DNAH5: variants seen among roughly 807,000 people sequenced by gnomAD.
DNAH5 encodes the protein axonemal beta dynein heavy chain 5.
In DNAH5, 372 loss-of-function variants were observed where a neutral mutation model predicts 518.2. The ratio of observed to expected loss-of-function variants is 0.72; its 90% confidence interval spans 0.66 to 0.78. The LOEUF (loss-of-function observed/expected upper bound fraction) is 0.78. DNAH5 is among the 30% of genes least tolerant of loss of function. The probability of loss-of-function intolerance (pLI) is 0.00; values close to 1 mark genes in which losing one functional copy is unlikely to be tolerated. For synonymous variants in DNAH5, 2,039 were observed against 2,025.9 expected (o/e 1.01, Z -0.17); for missense variants, 5,523 against 5,687.0 (o/e 0.97, Z 0.93).
Position 13,811,710 on chromosome 5 carries a change from C to G in DNAH5, c.7344G>C (p.Glu2448Asp). 5 of 1,614,168 alleles carry G rather than the reference C, an allele frequency of 3.1e-6. No individual in the cohort carries two copies. Among genetic ancestry groups the G allele is most frequent in the South Asian group, 2.2e-5 (2 of 91,074 alleles). The change falls in exon 44 of 79, where the codon GAG becomes GAC. Residue 2448 changes from glutamate (E) to aspartate (D), a missense_variant. Physicochemically the swap from Glu to Asp is conservative, Grantham distance 45. Around this residue, in one of 3 missense-constraint regions of DNAH5, gnomAD observed 5,121 missense variants for 5,223.3 expected, o/e 0.98. Coordinates refer to ENST00000265104, the MANE Select transcript of DNAH5 (RefSeq NM_001369.3). ...FCIQNLEYKM[E>D]VLEAFVITQS... ...GTGTGATGACAAAGGCCTCCAGCAC[C>G]TCCATCTTGTATTCTAAGTTCTGGA...
Position 13,793,595 on chromosome 5 carries a change from T to C in DNAH5, c.8144A>G (p.Asp2715Gly). 6.2e-7 allele frequency: 1 copy of C among 1,614,176 alleles called. No individual in the cohort carries two copies. Among genetic ancestry groups the C allele is most frequent in the Non-Finnish European group, 8.5e-7 (1 of 1,180,028 alleles). The change falls in exon 49 of 79, where the codon GAC becomes GGC. Residue 2715 changes from aspartate to glycine, a missense_variant. By Grantham distance (94) the Asp-to-Gly change is moderately conservative. Around this residue, in one of 3 missense-constraint regions of DNAH5, gnomAD observed 5,121 missense variants for 5,223.3 expected, o/e 0.98. Transcript: ENST00000265104. ...AMIHPGGGRN[D>G]IPQRLKRQFS... ...CTGCCTCTTGAGTCTTTGGGGTATG[T>C]CATTGCGTCCACCACCAGGATGGAT...
intron 76 of DNAH5, among the ~76,000 whole-genome samples, chr5:13,703,396 A>G (rs1742384558): frequency 9.1e-6 from 1 of 110,018 alleles, no homozygotes; most frequent in African/African-American, 3.2e-5. Context: ...CAACTAGTGT[A>G]CCCCAAGTTA....
intron 30 of DNAH5, among the ~76,000 whole-genome samples, chr5:13,851,293 A>G (rs1766801415): frequency 6.6e-6 from 1 of 152,144 alleles, no homozygotes; most frequent in Non-Finnish European, 1.5e-5. Context: ...TTATCTTGAG[A>G]GGGCAGGAAT....
At chr5:13,749,485 C>T (rs878936479) in intron 65 of DNAH5, among the ~76,000 whole-genome samples, 1 of 152,186 alleles carries the variant, frequency 6.6e-6, no homozygotes, top group Admixed American at 6.5e-5. Flanking sequence ...ACCTCTGCTA[C>T]AGGAATTAAG....
chr5:13,951,499 C>T (rs1449530437), intron 1 of DNAH5, among the ~76,000 whole-genome samples: 7 of 152,080 alleles, frequency 4.6e-5, no homozygotes, highest in Non-Finnish European at 1.0e-4. Flanking sequence ...TGATTACAGG[C>T]GTGAGCCACC....
intron 1 of DNAH5, among the ~76,000 whole-genome samples, chr5:13,984,075 A>T (rs1782865292): frequency 6.6e-6 from 1 of 152,132 alleles, no homozygotes; most frequent in Admixed American, 6.5e-5. Flanking sequence ...GGGGCTCTTA[A>T]ATGTGGAAGA....
chr5:13,938,986 T>A (rs1165425845), intron 1 of DNAH5, among the ~76,000 whole-genome samples: 2 of 152,214 alleles, frequency 1.3e-5, no homozygotes, highest in Non-Finnish European at 2.9e-5. Context: ...TTCTTTTCTT[T>A]CTTTAAAGAC....
rs61692591 is a variant in DNAH5 at position 13,970,305 on chromosome 5, A to G, written c.13-39061T>C. ...GCATTTACATTAGTATTGAGAAGTG[A>G]GGTACTACTATTCTATTCATCTTGC... On this transcript the variant is annotated intron_variant, in intron 1 of 78. Transcript: ENST00000681290. Among the ~76,000 whole-genome samples the G allele has an allele frequency of 1.9e-3, 289 of 152,224 alleles. 1 individual carries two copies. The highest frequency in any genetic ancestry group is 6.6e-3 in the African/African-American group (276 of 41,534).
chr5:13,859,651 C>T (rs1384670917), intron 29 of DNAH5, 46 bp from the exon 30 acceptor site: 5 of 1,576,792 alleles, frequency 3.2e-6, no homozygotes, highest in South Asian at 1.1e-5. Flanking sequence ...TTTTGTTGTG[C>T]TGTTGTTTCA....
At chr5:13,855,589 T>A (rs757314821) in intron 30 of DNAH5, among the ~76,000 whole-genome samples, 1 of 152,134 alleles carries the variant, frequency 6.6e-6, no homozygotes, top group Non-Finnish European at 1.5e-5. Context: ...CAGATCAATG[T>A]GACAGAAAAT....
intron 22 of DNAH5, among the ~76,000 whole-genome samples, chr5:13,874,852 T>G (rs1397653957): frequency 6.6e-6 from 1 of 152,130 alleles, no homozygotes; most frequent in African/African-American, 2.4e-5. Context: ...GTGTTAGAAG[T>G]TGATGACCAA....
chr5:13,924,474 G>A (rs1349196085), intron 3 of DNAH5, among the ~76,000 whole-genome samples: 2 of 152,110 alleles, frequency 1.3e-5, no homozygotes, highest in South Asian at 2.1e-4. Context: ...TCGGGAGTTC[G>A]AGACCAGCCT....
In DNAH5 at chr5:13,707,744, T is replaced by TG; in HGVS notation, c.13338+378dup. Among the ~76,000 whole-genome samples the TG allele has an allele frequency of 6.6e-6, 1 of 152,196 alleles. No individual in the cohort carries two copies. The highest frequency in any genetic ancestry group is 1.9e-4 in the East Asian group (1 of 5,164). On this transcript the variant is annotated intron_variant, in intron 76 of 78. Coordinates refer to ENST00000265104, the MANE Select transcript of DNAH5 (RefSeq NM_001369.3). This position sits in a 1 kb window ranked among gnomAD's most constrained non-coding sequence, Gnocchi z 4.0. ...TTAGGGTGAGGCATGTTTCCTTCTA[T>TG]GAAACCAACATCATGGACTTTGGAG...
chr5:13,753,668 C>G lies in DNAH5; in HGVS notation c.10556-119G>C, dbSNP rs930860992. On this transcript the variant is annotated intron_variant, in intron 62 of 78. Transcript: ENST00000265104. The stretch of plus-strand genomic sequence containing the variant: ...TTCTTTTAAACTAAATTCCACAAAT[C>G]AAACTGGAGGCACAAGTGGCTGTGC... The G allele has an allele frequency of 2.7e-4, 253 of 937,164 alleles. 2 individuals carry two copies. The highest frequency in any genetic ancestry group is 4.9e-5 in the Non-Finnish European group (31 of 638,426). The allele number at this position is 937,164 out of a possible 1,614,324, so 58.1% of individuals were successfully genotyped here.
chr5:13,986,032 C>G (rs1783031682), intron 1 of DNAH5, among the ~76,000 whole-genome samples: 1 of 152,196 alleles, frequency 6.6e-6, no homozygotes, highest in Non-Finnish European at 1.5e-5. Context: ...GCACTTAGCC[C>G]CCTGCTGTAC....
At chr5:13,889,507 C>T (rs1772896617) in intron 17 of DNAH5, among the ~76,000 whole-genome samples, 2 of 147,650 alleles carry the variant, frequency 1.4e-5, no homozygotes, top group Admixed American at 1.3e-4. Context: ...CCTTGGCCGG[C>T]GTCTGGAAGC....
At chr5:13,808,395 G>C (rs1271330224) in intron 46 of DNAH5, among the ~76,000 whole-genome samples, 2 of 152,106 alleles carry the variant, frequency 1.3e-5, no homozygotes, top group Non-Finnish European at 2.9e-5. Context: ...AGAGAGAAAA[G>C]AAACTGCTGT....
chr5:13,738,789 G>A (rs1319798122), intron 65 of DNAH5, among the ~76,000 whole-genome samples: 1 of 152,088 alleles, frequency 6.6e-6, no homozygotes, highest in African/African-American at 2.4e-5. Context: ...ATATCAACTT[G>A]CTATATGAGA....
At chr5:13,744,201 G>C (rs529156861) in intron 65 of DNAH5, among the ~76,000 whole-genome samples, 43 of 152,022 alleles carry the variant, frequency 2.8e-4, no homozygotes, top group African/African-American at 1.0e-3. Context: ...TGGAACTGGA[G>C]GTCATTATGC....
Sources: allele counts gnomAD v4.1 joint callset (sites outside exome capture counted in the v4.1 genomes callset), GRCh38; gene constraint gnomAD v4.1.1; regional missense constraint gnomAD v4.1.1; non-coding constraint Gnocchi (gnomAD v3.1); transcripts MANE v1.5; gene names NCBI Gene and HGNC (gene_info 2026-07-23, HGNC 2026-07-21).